SUN2: variants seen among roughly 807,000 people sequenced by gnomAD.
SUN2 encodes the protein Sad1 and UNC84 domain containing 2.
SUN2 carries 60 observed loss-of-function variants against 100.0 expected under a neutral mutation model. The ratio of observed to expected loss-of-function variants is 0.60; its 90% CI spans 0.49 to 0.74. SUN2 has a LOEUF of 0.74. Ranked by LOEUF, SUN2 falls within the 30% of genes least tolerant of loss-of-function variation. The pLI is 0.00. For synonymous variants in SUN2, 367 were observed against 403.3 expected, an observed-to-expected ratio of 0.91 and a Z score of 1.08; for missense variants, 834 against 954.6, an observed-to-expected ratio of 0.87 and a Z score of 1.66.
intron 1 of SUN2, chr22:38,754,682 T>C (rs2092972279): frequency 7.8e-7 from 1 of 1,275,348 alleles, no homozygotes; most frequent in Admixed American, 2.4e-5. Flanking sequence ...CCTCTTAGCC[T>C]CTGTCCTGCT....
chr22:38,740,856 G>T lies in SUN2; in HGVS notation c.1190+151C>A. The T allele has an allele frequency of 2.4e-6, 2 of 819,408 alleles. No individual in the cohort carries two copies. The highest frequency in any genetic ancestry group is 3.9e-6 in the Non-Finnish European group (2 of 509,338). 50.8% of individuals were successfully genotyped at this position (819,408 alleles called of 1,614,324 possible). A position where few individuals can be genotyped will look rare whatever the true frequency, so the allele number is the denominator to read the frequency against. ...ACCTCAAAGACAGGCCCTGGGCAGG[G>T]GTCCTGAGCTGGGTTTCAACCCCTC... On this transcript the variant is annotated intron_variant, in intron 11 of 17. Transcript: ENST00000689035. The surrounding 1 kb of genome is among the most constrained non-coding windows in gnomAD (Gnocchi z 4.8).
At chr22:38,744,030 C>T (rs2092882187) in intron 8 of SUN2, 1 of 151,978 alleles carries the variant, frequency 6.6e-6, no homozygotes, top group Admixed American at 6.6e-5. Context: ...ATCATGAGGT[C>T]AGGAGACAGA....
At position 38,755,736 on chromosome 22, in the gene SUN2, C is replaced by T. The variant is rs2146126251; in HGVS notation, c.-38+27G>A. 3.0e-6 allele frequency: 3 copies of T among 985,120 alleles called. No individual in the cohort carries two copies. Among genetic ancestry groups the T allele is most frequent in the Non-Finnish European group, 3.6e-6 (3 of 829,830 alleles). The allele number at this position is 985,120 out of a possible 1,614,324, so 61.0% of individuals were successfully genotyped here. A position where few individuals can be genotyped will look rare whatever the true frequency, so the allele number is the denominator to read the frequency against. On this transcript the variant is annotated intron_variant, in intron 1 of 17. Coordinates refer to ENST00000689035, the MANE Select transcript of SUN2 (RefSeq NM_015374.3). The surrounding 1 kb of genome is among the most constrained non-coding windows in gnomAD (Gnocchi z 5.7). ...GTCAGGCCGGGCCGCGGCCCCCCAA[C>T]CCTCTCCTGAGCTCGCCCGCACTCA...
intron 1 of SUN2, chr22:38,754,729 G>A: frequency 7.8e-7 from 1 of 1,289,026 alleles, no homozygotes; most frequent in Non-Finnish European, 1.0e-6. Context: ...CAGAAACAAG[G>A]CAACATGTTT....
chr22:38,740,895 C>T lies in SUN2; in HGVS notation c.1190+112G>A. On this transcript the variant is annotated intron_variant, in intron 11 of 17. Transcript: ENST00000689035. This position sits in a 1 kb window ranked among gnomAD's most constrained non-coding sequence, Gnocchi z 4.8. The stretch of plus-strand genomic sequence containing the variant: ...TTTCAACCCCTCCCCCTACCATCTG[C>T]TTGGCAAGATGATCAGAACTCTCTG... 1 of 1,221,114 alleles carries T rather than the reference C, an allele frequency of 8.2e-7. No homozygotes were observed. The highest frequency in any genetic ancestry group is 1.2e-6 in the Non-Finnish European group (1 of 858,184). The allele number at this position is 1,221,114 out of a possible 1,614,324, so 75.6% of individuals were successfully genotyped here.
intron 6 of SUN2, 62 bp from the exon 7 acceptor site, chr22:38,748,845 A>G (rs1205111238): frequency 4.6e-6 from 7 of 1,524,858 alleles, no homozygotes; most frequent in Non-Finnish European, 6.4e-6. Flanking sequence ...CCAGGCCTCC[A>G]CGTTCCACCC....
At position 38,742,428 on chromosome 22, in the gene SUN2, G is replaced by A; in HGVS notation, c.941C>T (p.Ala314Val). 6.2e-7 allele frequency: 1 copy of A among 1,613,462 alleles called. No homozygotes were observed. Among genetic ancestry groups the A allele is most frequent in the Non-Finnish European group, 8.5e-7 (1 of 1,179,998 alleles). ...RLERLELRQG[A>V]PGQGGGGGLS... is the part of the protein sequence containing the mutation. Reference sequence around the variant, plus strand: ...GCCACCACCACCTCCCTGGCCAGGAGCCCCTTGCCGCAGCTCCAGACGTTC... The same window carrying A: ...GCCACCACCACCTCCCTGGCCAGGAACCCCTTGCCGCAGCTCCAGACGTTC... The change falls in exon 9 of 18, where the codon GCT becomes GTT. Residue 314 changes from alanine (A) to valine (V), a missense_variant. Transcript: ENST00000689035.
intron 1 of SUN2, chr22:38,754,666 G>A: frequency 1.0e-5 from 13 of 1,277,470 alleles, no homozygotes; most frequent in Non-Finnish European, 1.1e-5. Context: ...TGCCCACACA[G>A]GGACTCCTCT....
Position 38,752,582 on chromosome 22 carries a change from T to A in SUN2, c.47A>T (p.Asp16Val), listed in dbSNP as rs919289888. ...QRLTRYSQGD[D>V]DGSSSSGGSS... is the part of the protein sequence containing the mutation. ...CCCTCCGCTGCTGCTGCTGCCGTCA[T>A]CGTCACCCTGGGAGTAGCGCGTGAG... Residue 16 changes from aspartate to valine, a missense_variant, in exon 2 of 18, where the codon GAT becomes GTT. By Grantham distance (152) the Asp-to-Val change is radical (BLOSUM62 -3). This residue lies in a region of SUN2 where 559 missense variants were observed against 597.7 expected (regional missense o/e 0.94). Transcript: ENST00000689035. 4.3e-6 allele frequency: 7 copies of A among 1,614,012 alleles called. No homozygotes were observed. Among genetic ancestry groups the A allele is most frequent in the Non-Finnish European group, 5.1e-6 (6 of 1,179,956 alleles).
In SUN2 at chr22:38,736,682, C is replaced by T. The variant is rs5757266; in HGVS notation, c.2041-302G>A. On this transcript the variant is annotated intron_variant, in intron 17 of 17. Transcript: ENST00000689035. Reference sequence around the variant, plus strand: ...ACCTTCATAGAGGGCTTCATAGATGCTGATGTGGGGCACACTTGATTCTTT... The same window carrying T: ...ACCTTCATAGAGGGCTTCATAGATGTTGATGTGGGGCACACTTGATTCTTT... 2.7e-3 allele frequency: 630 copies of T among 234,374 alleles called. 8 individuals are homozygous for T. The East Asian group carries it at 0.036, about 13-fold the overall frequency. The allele number at this position is 234,374 out of a possible 1,614,324, so 14.5% of individuals were successfully genotyped here. A position where few individuals can be genotyped will look rare whatever the true frequency, so the allele number is the denominator to read the frequency against.
Position 38,736,620 on chromosome 22 carries a change from C to T in SUN2, c.2041-240G>A. The T allele has an allele frequency of 1.3e-5, 5 of 373,850 alleles. No individual in the cohort carries two copies. The South Asian group carries it at 2.4e-4, about 18-fold the overall frequency. The allele number at this position is 373,850 out of a possible 1,614,324, so 23.2% of individuals were successfully genotyped here. ...CATCTGAAACCGGAATGAATTCATC[C>T]ACAATCGTTTTTTTATTGTGATCAA... On this transcript the variant is annotated intron_variant, in intron 17 of 17. Transcript: ENST00000689035.
chr22:38,745,063 G>T (rs186103702), intron 8 of SUN2: 1 of 471,230 alleles, frequency 2.1e-6, no homozygotes, highest in Non-Finnish European at 4.4e-6. Flanking sequence ...GTAGCCAACA[G>T]AATGTGGCGG....
At position 38,755,245 on chromosome 22, in the gene SUN2, C is replaced by T. The variant is rs2092976867; in HGVS notation, c.-38+518G>A. 1 of 1,168,592 alleles carries T rather than the reference C, an allele frequency of 8.6e-7. No homozygotes were observed. The highest frequency in any genetic ancestry group is 1.6e-5 in the African/African-American group (1 of 62,358). 72.4% of individuals were successfully genotyped at this position (1,168,592 alleles called of 1,614,324 possible). On this transcript the variant is annotated intron_variant, in intron 1 of 17. Transcript: ENST00000689035. The surrounding 1 kb of genome is among the most constrained non-coding windows in gnomAD (Gnocchi z 5.7). Reference sequence around the variant, plus strand: ...CTGCCAAACGCCCGGTGCTAACTCCCTCTGCCCTCATTCCCACAGGCCAAA... The same window carrying T: ...CTGCCAAACGCCCGGTGCTAACTCCTTCTGCCCTCATTCCCACAGGCCAAA...
At chr22:38,754,632 C>T (rs376177935) in intron 1 of SUN2, 12 of 1,207,542 alleles carry the variant, frequency 9.9e-6, no homozygotes, top group Middle Eastern at 2.2e-4. Context: ...CCCGCCCGTA[C>T]GGTCCCTACC....
At chr22:38,745,484 A>T (rs562325613) in intron 8 of SUN2, among the ~76,000 whole-genome samples, 200 bp downstream of exon 8, 1 of 152,360 alleles carries the variant, frequency 6.6e-6, no homozygotes, top group African/African-American at 2.4e-5. Flanking sequence ...TTTGTGAAAC[A>T]GCATTGAAAA....
At chr22:38,748,045 GTGGCTCATGCCT>G (rs1370595084) in intron 7 of SUN2, among the ~76,000 whole-genome samples, 1 of 152,140 alleles carries the variant, frequency 6.6e-6, no homozygotes, top group Non-Finnish European at 1.5e-5. Context: ...GCCGGGCACG[GTGGCTCATGCCT>G]GTAATCCCAG....
chr22:38,739,583 C>T lies in SUN2; in HGVS notation c.1578+139G>A. 1 of 1,299,304 alleles carries T rather than the reference C, an allele frequency of 7.7e-7. No individual in the cohort carries two copies. Among genetic ancestry groups the T allele is most frequent in the Non-Finnish European group, 1.1e-6 (1 of 925,072 alleles). The allele number at this position is 1,299,304 out of a possible 1,614,324, so 80.5% of individuals were successfully genotyped here. A position where few individuals can be genotyped will look rare whatever the true frequency, so the allele number is the denominator to read the frequency against. On this transcript the variant is annotated intron_variant, in intron 13 of 17. Coordinates refer to ENST00000689035, the MANE Select transcript of SUN2 (RefSeq NM_015374.3). The surrounding 1 kb of genome is among the most constrained non-coding windows in gnomAD (Gnocchi z 6.7). ...TGGGCACACTGCCACCCACCCATGC[C>T]AGCCCCACAGCATGCAAAGCCTCCT...
Position 38,755,678 on chromosome 22 carries a change from G to T in SUN2, c.-38+85C>A. 1 of 979,890 alleles carries T rather than the reference G, an allele frequency of 1.0e-6. No homozygotes were observed. The highest frequency in any genetic ancestry group is 1.2e-6 in the Non-Finnish European group (1 of 824,946). 60.7% of individuals were successfully genotyped at this position (979,890 alleles called of 1,614,324 possible). A position where few individuals can be genotyped will look rare whatever the true frequency, so the allele number is the denominator to read the frequency against. On this transcript the variant is annotated intron_variant, in intron 1 of 17. Transcript: ENST00000689035. The surrounding 1 kb of genome is among the most constrained non-coding windows in gnomAD (Gnocchi z 5.7). The stretch of plus-strand genomic sequence containing the variant: ...GAGGAGGAAGCAGGCCTGGCGGCGC[G>T]GCCCCGCCCGAGTGGCCCGACGGTG...
chr22:38,751,291 AG>A lies in SUN2; in HGVS notation c.204del (p.Tyr69ThrfsTer123). The A allele has an allele frequency of 6.2e-7, 1 of 1,614,134 alleles. No individual in the cohort carries two copies. Among genetic ancestry groups the A allele is most frequent in the Non-Finnish European group, 8.5e-7 (1 of 1,180,014 alleles). The part of the protein sequence containing the change: ...QLGPSSDAHT[S>X]YYSESLVHES... ...TCGTGGACCAGCGACTCACTGTAGT[AG>A]GAGGTGTGTGCATCAGAGGACGGGC... is the stretch of plus-strand genomic sequence containing the variant. On this transcript the variant is annotated frameshift_variant, in exon 3 of 18. Transcript: ENST00000689035. LOFTEE classifies it high-confidence loss of function.
Sources: gnomAD v4.1 joint callset for allele counts (sites outside exome capture counted in the v4.1 genomes callset) on GRCh38, gnomAD v4.1.1 for gene constraint, gnomAD v4.1.1 regional missense constraint, Gnocchi (gnomAD v3.1) non-coding constraint, MANE v1.5 for transcripts, NCBI Gene and HGNC (gene_info 2026-07-23, HGNC 2026-07-21) for gene names.